HTR4: variants seen among roughly 807,000 people sequenced by gnomAD.
The protein encoded by HTR4 is 5-hydroxytryptamine (serotonin) receptor 4, G protein-coupled.
In HTR4, 16 loss-of-function variants were observed where a neutral mutation model predicts 36.8. The observed-to-expected ratio is 0.43, with a 90% CI of 0.29 to 0.66. The LOEUF (loss-of-function observed/expected upper bound fraction) is 0.66. HTR4 is among the 30% of genes least tolerant of loss of function. The probability of loss-of-function intolerance (pLI) is 0.13; values close to 1 mark genes in which losing one functional copy is unlikely to be tolerated. For missense variants in HTR4, 438 were observed against 490.9 expected (o/e 0.89, Z 1.02); for synonymous variants, 189 against 185.1 (o/e 1.02, Z -0.17).
intron 2 of HTR4, among the ~76,000 whole-genome samples, chr5:148,589,795 A>G (rs555644379): frequency 6.6e-6 from 1 of 152,252 alleles, no homozygotes; most frequent in African/African-American, 2.4e-5. Flanking sequence ...ACATTTTTAA[A>G]AAATTAAATC....
intron 4 of HTR4, among the ~76,000 whole-genome samples, chr5:148,537,892 G>A (rs1758909261): frequency 6.6e-6 from 1 of 152,126 alleles, no homozygotes; most frequent in Non-Finnish European, 1.5e-5. Flanking sequence ...TATGAGACCA[G>A]CATCGTCTTG....
downstream of HTR4, among the ~76,000 whole-genome samples, chr5:148,473,413 A>AT (rs1326364326): frequency 6.6e-6 from 1 of 152,174 alleles, no homozygotes; most frequent in East Asian, 1.9e-4. Context: ...TGAAGAATAA[A>AT]TGTAAGAGAC....
chr5:148,652,093 C>T (rs961887528), intron 1 of HTR4, among the ~76,000 whole-genome samples: 4 of 152,174 alleles, frequency 2.6e-5, no homozygotes, highest in African/African-American at 9.7e-5. Flanking sequence ...GTGATAATAT[C>T]AAAGGTGTTC....
At chr5:148,576,920 C>A (rs1489669156) in intron 2 of HTR4, among the ~76,000 whole-genome samples, 2 of 152,024 alleles carry the variant, frequency 1.3e-5, no homozygotes, top group African/African-American at 4.8e-5. Flanking sequence ...GCAAAGATTT[C>A]ATGACAAAGA....
intron 2 of HTR4, among the ~76,000 whole-genome samples, chr5:148,570,915 A>C (rs17720733): frequency 0.17 from 25,212 of 151,854 alleles, 2,753 homozygotes; most frequent in African/African-American, 0.3. Context: ...GATACCAGTC[A>C]ACCTATCTAG....
chr5:148,567,227 C>A (rs1341327007), intron 2 of HTR4, among the ~76,000 whole-genome samples: 2 of 152,128 alleles, frequency 1.3e-5, no homozygotes, highest in African/African-American at 4.8e-5. Context: ...AAACAAAGTT[C>A]TCTCCCCTTC....
intron 4 of HTR4, among the ~76,000 whole-genome samples, chr5:148,528,476 C>T (rs534040944): frequency 4.0e-5 from 6 of 151,696 alleles, no homozygotes; most frequent in African/African-American, 1.2e-4. Flanking sequence ...TCTTTGCTTT[C>T]GAGCAAAAAA....
chr5:148,636,127 C>A (rs1407651127), intron 2 of HTR4, among the ~76,000 whole-genome samples: 1 of 152,078 alleles, frequency 6.6e-6, no homozygotes, highest in African/African-American at 2.4e-5. Flanking sequence ...TACATCTTGG[C>A]AACTCAAGTC....
At chr5:148,533,335 T>A (rs1034595219) in intron 4 of HTR4, among the ~76,000 whole-genome samples, 4 of 152,196 alleles carry the variant, frequency 2.6e-5, no homozygotes, top group African/African-American at 9.6e-5. Context: ...TGCAAAACAT[T>A]TCAAAAGTAT....
At chr5:148,513,351 A>G (rs879730209) in intron 5 of HTR4, among the ~76,000 whole-genome samples, 9 of 152,178 alleles carry the variant, frequency 5.9e-5, no homozygotes, top group Non-Finnish European at 1.3e-4. Context: ...TATGATGTAC[A>G]AGATATGGAT....
rs558179988 is a variant in HTR4 at position 148,533,781 on chromosome 5, C to A, written c.354-10435G>T. Among the ~76,000 whole-genome samples the A allele has an allele frequency of 8.5e-5, 13 of 152,304 alleles. No homozygotes were observed. In the South Asian group the frequency reaches 2.7e-3, roughly 32 times the overall value. Reference sequence around the variant, plus strand: ...ATCTTTAAAGTTAGAATAATTATGTCAACCTCCAATTATGCCTCTCCTTCA... The same window carrying A: ...ATCTTTAAAGTTAGAATAATTATGTAAACCTCCAATTATGCCTCTCCTTCA... On this transcript the variant is annotated intron_variant, in intron 4 of 6. Transcript: ENST00000377888.
chr5:148,617,037 G>T (rs1020202728), intron 2 of HTR4, among the ~76,000 whole-genome samples: 5 of 152,110 alleles, frequency 3.3e-5, no homozygotes, highest in African/African-American at 1.2e-4. Context: ...ATTTTGATAT[G>T]GTTTGGATAT....
intron 6 of HTR4, among the ~76,000 whole-genome samples, chr5:148,503,006 C>A (rs186185418): frequency 9.3e-4 from 142 of 152,298 alleles, no homozygotes; most frequent in African/African-American, 3.2e-3. Flanking sequence ...AAGACCAAAT[C>A]TACGTCTGAT....
intron 1 of HTR4, among the ~76,000 whole-genome samples, chr5:148,642,484 G>A (rs916367268): frequency 6.6e-6 from 1 of 152,114 alleles, no homozygotes; most frequent in Non-Finnish European, 1.5e-5. Flanking sequence ...AATGTGTAAG[G>A]CCAGATATTG....
chr5:148,484,744 T>G (rs1447955010), intron 6 of HTR4, among the ~76,000 whole-genome samples: 2 of 152,234 alleles, frequency 1.3e-5, no homozygotes, highest in Admixed American at 1.3e-4. Context: ...GAAATCTAAC[T>G]ATTTCTGGGT....
intron 4 of HTR4, among the ~76,000 whole-genome samples, chr5:148,535,207 A>C (rs927925962): frequency 1.3e-5 from 2 of 152,216 alleles, no homozygotes; most frequent in African/African-American, 4.8e-5. Flanking sequence ...GCCCTGTGAA[A>C]GCAGGCAGGA....
At chr5:148,458,834 G>A (rs1206585619) in intron 5 of HTR4, among the ~76,000 whole-genome samples, 2 of 152,170 alleles carry the variant, frequency 1.3e-5, no homozygotes. Flanking sequence ...CATGAGCAGG[G>A]GAGGTTCCTG....
chr5:148,631,549 C>T (rs181431774), intron 2 of HTR4, among the ~76,000 whole-genome samples: 451 of 152,234 alleles, frequency 3.0e-3, no homozygotes, highest in Non-Finnish European at 5.0e-3. Flanking sequence ...TATTTCAAGG[C>T]TTTAGAATAT....
Position 148,481,795 on chromosome 5 carries a change from G to T in HTR4, c.*1408C>A. On this transcript the variant is annotated 3_prime_UTR_variant, in exon 7 of 7. Transcript: ENST00000377888. ...TTTACCTTCCCGGGACTTCTGCTAT[G>T]GGGCATTCGCAAGAGCCACTGACTC... 7.3e-7 allele frequency: 1 copy of T among 1,371,890 alleles called. No homozygotes were observed. The allele number at this position is 1,371,890 out of a possible 1,614,324, so 85.0% of individuals were successfully genotyped here. A position where few individuals can be genotyped will look rare whatever the true frequency, so the allele number is the denominator to read the frequency against.
Sources: gnomAD v4.1 joint callset for allele counts (sites outside exome capture counted in the v4.1 genomes callset) on GRCh38, gnomAD v4.1.1 for gene constraint, MANE v1.5 for transcripts, NCBI Gene and HGNC (gene_info 2026-07-23, HGNC 2026-07-21) for gene names.